LIMS1: variants seen among roughly 807,000 people sequenced by gnomAD.
The protein encoded by LIMS1 is LIM zinc finger domain containing 1.
Under a neutral mutation model 44.1 loss-of-function variants are expected in LIMS1, and 18 were observed. That is an observed-to-expected ratio of 0.41 (90% CI 0.28 to 0.61). LIMS1 has a LOEUF of 0.61. LIMS1 is among the 20% of genes least tolerant of loss of function. The pLI is 0.32. For synonymous variants in LIMS1, 93 were observed against 149.1 expected (o/e 0.62, Z 2.74); for missense variants, 201 against 422.0 (o/e 0.48, Z 4.59).
intron 1 of LIMS1, among the ~76,000 whole-genome samples, chr2:108,652,745 A>G (rs1173923334): frequency 6.6e-6 from 1 of 152,134 alleles, no homozygotes; most frequent in African/African-American, 2.4e-5. Flanking sequence ...GGAGACTGTG[A>G]GGGAGAATTC....
At chr2:108,626,821 T>C (rs776771266) in intron 1 of LIMS1, among the ~76,000 whole-genome samples, 16 of 152,222 alleles carry the variant, frequency 1.1e-4, no homozygotes, top group Non-Finnish European at 2.2e-4. Flanking sequence ...TTTGCTTTTC[T>C]CTTTCAGTAG....
intron 1 of LIMS1, among the ~76,000 whole-genome samples, chr2:108,612,665 A>G (rs1409369959): frequency 6.6e-6 from 1 of 152,132 alleles, no homozygotes; most frequent in Admixed American, 6.6e-5. Context: ...GAATACTCAT[A>G]TGAGTGGGGA....
chr2:108,562,250 A>T (rs1426830212), intron 1 of LIMS1, among the ~76,000 whole-genome samples: 1 of 152,204 alleles, frequency 6.6e-6, no homozygotes, highest in Non-Finnish European at 1.5e-5. Flanking sequence ...TAATAACCCT[A>T]TAATAATCTT....
intron 8 of LIMS1, 57 bp downstream of exon 8, chr2:108,678,084 A>G: frequency 6.2e-7 from 1 of 1,607,696 alleles, no homozygotes; most frequent in African/African-American, 1.3e-5. Context: ...ACACTTGGGT[A>G]ATGTGGAAAT....
chr2:108,621,839 G>T (rs1204596013), intron 1 of LIMS1, among the ~76,000 whole-genome samples: 1 of 152,120 alleles, frequency 6.6e-6, no homozygotes, highest in Admixed American at 6.6e-5. Context: ...GATGAAGGTG[G>T]GTAGTTTGTG....
chr2:108,608,307 CTTT>C (rs113575713), intron 1 of LIMS1, among the ~76,000 whole-genome samples: 1 of 140,720 alleles, frequency 7.1e-6, no homozygotes, highest in Non-Finnish European at 1.6e-5. Flanking sequence ...TTTTCACTCA[CTTT>C]TTTTTTTTTT....
chr2:108,607,029 C>T (rs1687307186), intron 1 of LIMS1: 3 of 588,534 alleles, frequency 5.1e-6, no homozygotes, highest in South Asian at 2.1e-5. Context: ...GAACTTCTAA[C>T]CCCAAAGTAA....
intron 1 of LIMS1, among the ~76,000 whole-genome samples, chr2:108,576,515 C>G (rs922006809): frequency 1.3e-5 from 2 of 152,184 alleles, no homozygotes; most frequent in Non-Finnish European, 2.9e-5. Context: ...ATTCTTCTGC[C>G]TCAGCCTCCC....
At chr2:108,656,627 C>T (rs1424750661) in intron 1 of LIMS1, among the ~76,000 whole-genome samples, 1 of 150,646 alleles carries the variant, frequency 6.6e-6, no homozygotes, top group Non-Finnish European at 1.5e-5. Flanking sequence ...TCCTTTTTCC[C>T]CCTGCTTGTG....
intron 1 of LIMS1, among the ~76,000 whole-genome samples, chr2:108,574,280 A>C (rs2104638734): frequency 6.6e-6 from 1 of 152,264 alleles, no homozygotes; most frequent in South Asian, 2.1e-4. Flanking sequence ...GAAGAGATTA[A>C]AGCTTTGGGA....
intron 2 of LIMS1, 143 bp from the exon 3 acceptor site, chr2:108,670,638 C>A (rs1244870513): frequency 5.7e-6 from 4 of 705,010 alleles, no homozygotes; most frequent in Non-Finnish European, 9.7e-6. Flanking sequence ...AGAGTATCTG[C>A]TTTTTAAAAT....
At chr2:108,642,019 A>G (rs1689701436) in intron 1 of LIMS1, among the ~76,000 whole-genome samples, 1 of 152,192 alleles carries the variant, frequency 6.6e-6, no homozygotes, top group East Asian at 1.9e-4. Flanking sequence ...TCATTTTGGC[A>G]TATGATAATT....
In LIMS1 at chr2:108,605,378, ATC is replaced by A. The variant is rs1687218451; in HGVS notation, c.33-54223_33-54222del. ...AGCATTCAAATATCATTTATTAAAT[ATC>A]TCTTCTACTTAAAATTAACCCAAGG... On this transcript the variant is annotated intron_variant, in intron 1 of 9. Transcript: ENST00000544547. Among the ~76,000 whole-genome samples, 3 of 152,320 alleles carry A rather than the reference ATC, an allele frequency of 2.0e-5. No individual in the cohort carries two copies. In the South Asian group the frequency reaches 6.2e-4, roughly 32 times the overall value.
intron 1 of LIMS1, among the ~76,000 whole-genome samples, chr2:108,548,122 A>G (rs529984707): frequency 6.6e-6 from 1 of 152,358 alleles, no homozygotes; most frequent in African/African-American, 2.4e-5. Context: ...GAATGTGTTT[A>G]CATGACTGAG....
At chr2:108,536,821 G>GT (rs1311135778) in intron 1 of LIMS1, among the ~76,000 whole-genome samples, 1 of 152,126 alleles carries the variant, frequency 6.6e-6, no homozygotes, top group Non-Finnish European at 1.5e-5. Flanking sequence ...AAACTCCTGG[G>GT]TTCCAGCAGT....
chr2:108,637,623 T>TCCAAAAA (rs1558821580), intron 1 of LIMS1, among the ~76,000 whole-genome samples: 1 of 152,232 alleles, frequency 6.6e-6, no homozygotes, highest in African/African-American at 2.4e-5. Flanking sequence ...AATACTGCCA[T>TCCAAAAA]TCTGTATTGG....
chr2:108,638,960 G>A (rs1689471999), intron 1 of LIMS1, among the ~76,000 whole-genome samples: 1 of 152,162 alleles, frequency 6.6e-6, no homozygotes, highest in East Asian at 1.9e-4. Context: ...GGAGAATGGT[G>A]TGAACCCGGG....
chr2:108,597,169 A>G (rs1467604883), intron 1 of LIMS1, among the ~76,000 whole-genome samples: 1 of 151,958 alleles, frequency 6.6e-6, no homozygotes, highest in East Asian at 2.0e-4. Context: ...TCAGCCTCCA[A>G]AAGTGCTGAG....
intron 3 of LIMS1, among the ~76,000 whole-genome samples, chr2:108,671,570 A>T (rs1692164543): frequency 6.6e-6 from 1 of 152,208 alleles, no homozygotes; most frequent in African/African-American, 2.4e-5. Flanking sequence ...CACGTTGGCC[A>T]CTTCACTGGT....
Sources: allele counts gnomAD v4.1 joint callset (sites outside exome capture counted in the v4.1 genomes callset), GRCh38; gene constraint gnomAD v4.1.1; transcripts MANE v1.5; gene names NCBI Gene and HGNC (gene_info 2026-07-23, HGNC 2026-07-21).